The following POM121 variants were observed in gnomAD, a reference collection of about 807,000 sequenced individuals.
The protein encoded by POM121 is POM121 transmembrane nucleoporin.
POM121 carries 32 observed loss-of-function variants against 81.3 expected under a neutral mutation model. The observed-to-expected ratio is 0.39, with a 90% CI of 0.30 to 0.53. The LOEUF (loss-of-function observed/expected upper bound fraction) is 0.53. Ranked by LOEUF, POM121 falls within the 20% of genes least tolerant of loss-of-function variation. The pLI, the probability that POM121 is intolerant of heterozygous loss-of-function variation, is 0.66. For synonymous variants in POM121, 514 were observed against 694.2 expected (o/e 0.74, Z 4.08); for missense variants, 1,138 against 1,614.6 (o/e 0.70, Z 5.06).
At chr7:72,935,761 G>C (rs1347702023) in intron 5 of POM121, among the ~76,000 whole-genome samples, 1 of 151,658 alleles carries the variant, frequency 6.6e-6, no homozygotes, top group Non-Finnish European at 1.5e-5. Context: ...GATTACAGGC[G>C]TGAGCCACGG....
At chr7:72,886,800 CT>C (rs1242511786) in intron 1 of POM121, among the ~76,000 whole-genome samples, 1 of 151,246 alleles carries the variant, frequency 6.6e-6, no homozygotes, top group African/African-American at 2.4e-5. Flanking sequence ...TATAACATGT[CT>C]TTTTTTCTTC....
At chr7:72,880,261 G>T (rs1554489105) in intron 1 of POM121, among the ~76,000 whole-genome samples, 2 of 152,132 alleles carry the variant, frequency 1.3e-5, no homozygotes, top group Non-Finnish European at 2.9e-5. Context: ...TGGGAGAATC[G>T]TAGTAATGCA....
chr7:72,939,520 G>A lies in POM121; in HGVS notation c.1441+111G>A, dbSNP rs557462702. 277 of 1,442,888 alleles carry A rather than the reference G, an allele frequency of 1.9e-4. 2 individuals are homozygous for A. In the African/African-American group the frequency reaches 3.7e-3, roughly 19 times the overall value. 89.4% of individuals were successfully genotyped at this position (1,442,888 alleles called of 1,614,324 possible). A position where few individuals can be genotyped will look rare whatever the true frequency, so the allele number is the denominator to read the frequency against. On this transcript the variant is annotated intron_variant, in intron 7 of 12. Coordinates refer to ENST00000434423, the MANE Select transcript of POM121 (RefSeq NM_001387691.1). ...GGTCTTGAGCATTGCTATGTCTAAG[G>A]CATGTTAGATACAAAGAGAGAGATT...
chr7:72,907,956 T>C (rs1462953997), intron 3 of POM121, among the ~76,000 whole-genome samples: 1 of 152,220 alleles, frequency 6.6e-6, no homozygotes, highest in Non-Finnish European at 1.5e-5. Context: ...GGATTATTTC[T>C]ATGTAATTTT....
downstream of POM121, chr7:72,949,029 C>T (rs1282878419): frequency 1.9e-6 from 3 of 1,613,216 alleles, no homozygotes; most frequent in South Asian, 1.1e-5. Context: ...GCTGCTGGAA[C>T]CCTGCCAGGG....
downstream of POM121, chr7:72,949,375 G>A (rs1268205218): frequency 1.3e-5 from 12 of 896,604 alleles, no homozygotes; most frequent in African/African-American, 6.6e-5. Context: ...CGGATCTAAG[G>A]GGGAGACCGC....
intron 3 of POM121, 141 bp from the exon 4 acceptor site, chr7:72,928,244 G>A (rs1795663225): frequency 8.0e-7 from 1 of 1,250,936 alleles, no homozygotes; most frequent in Non-Finnish European, 1.1e-6. Flanking sequence ...GAAGCTTAGG[G>A]ATTTTAAACA....
intron 3 of POM121, among the ~76,000 whole-genome samples, chr7:72,909,987 G>C (rs1438609984): frequency 6.6e-6 from 1 of 152,172 alleles, no homozygotes; most frequent in Non-Finnish European, 1.5e-5. Context: ...CCACATTGCC[G>C]TTGAGCTCTC....
chr7:72,950,634 C>G, downstream of POM121: 1 of 137,172 alleles, frequency 7.3e-6, no homozygotes, highest in Non-Finnish European at 1.4e-5. Context: ...TCATGTGAGG[C>G]GCTTAGGTTA....
intron 3 of POM121, among the ~76,000 whole-genome samples, chr7:72,899,149 A>AT (rs1267794077): frequency 2.6e-5 from 4 of 151,350 alleles, no homozygotes; most frequent in Non-Finnish European, 4.4e-5. Flanking sequence ...CACCTGGCTA[A>AT]TTTTTTTGTA....
In POM121 at chr7:72,930,131, A is replaced by C. The variant is rs781922274; in HGVS notation, c.1275+20A>C. ...TCACAGGTACAAGTACAGCTCTTTTAATGTGGGGGACATGAATTCCCAGCG... is the reference window on the plus strand; with the variant it reads ...TCACAGGTACAAGTACAGCTCTTTTCATGTGGGGGACATGAATTCCCAGCG... On this transcript the variant is annotated intron_variant, in intron 5 of 12. Transcript: ENST00000434423. 3 of 1,584,196 alleles carry C rather than the reference A, an allele frequency of 1.9e-6. No individual in the cohort carries two copies. The South Asian group carries it at 3.4e-5, about 18-fold the overall frequency.
At chr7:72,949,392 G>A, downstream of POM121, 1 of 1,067,566 alleles carries the variant, frequency 9.4e-7, no homozygotes, top group Non-Finnish European at 1.5e-6. Context: ...CCGCCAGGAA[G>A]TCCTCCTCAG....
At chr7:72,926,996 C>G in intron 3 of POM121, 33 bp downstream of exon 3, 2 of 1,613,896 alleles carry the variant, frequency 1.2e-6, no homozygotes, top group South Asian at 1.1e-5. Flanking sequence ...AAGCCGGTTT[C>G]GCGCTTGGAC....
At chr7:72,926,640 T>C (rs1157440836) in intron 2 of POM121, among the ~76,000 whole-genome samples, 162 bp from the exon 3 acceptor site, 1 of 152,236 alleles carries the variant, frequency 6.6e-6, no homozygotes, top group Non-Finnish European at 1.5e-5. Flanking sequence ...CACTTTTTGC[T>C]CTTAACGAAA....
Position 72,897,215 on chromosome 7 carries a change from G to A in POM121, c.-216+6105G>A, listed in dbSNP as rs573532792. Among the ~76,000 whole-genome samples, 3 of 152,230 alleles carry A rather than the reference G, an allele frequency of 2.0e-5. No homozygotes were observed. In the East Asian group the frequency reaches 5.8e-4, roughly 29 times the overall value. ...CAAATGGTGACAATTACTGTGACGGGAAAAAAGTTCCTTGGGAGTGAGAAG... is the reference window on the plus strand; with the variant it reads ...CAAATGGTGACAATTACTGTGACGGAAAAAAAGTTCCTTGGGAGTGAGAAG... On this transcript the variant is annotated intron_variant, in intron 3 of 15. Transcript: ENST00000395270.
At chr7:72,911,771 C>T (rs1472027383) in intron 3 of POM121, among the ~76,000 whole-genome samples, 8 of 152,196 alleles carry the variant, frequency 5.3e-5, no homozygotes, top group Non-Finnish European at 8.8e-5. Context: ...AAGCAGCACT[C>T]GGTACATGGT....
intron 1 of POM121, chr7:72,879,974 C>G (rs559818939): frequency 8.7e-5 from 35 of 402,230 alleles, no homozygotes; most frequent in Non-Finnish European, 1.5e-4. Flanking sequence ...GCAGAGGGAG[C>G]GTCCCGATTG....
intron 5 of POM121, among the ~76,000 whole-genome samples, chr7:72,931,099 T>C (rs1358177275): frequency 7.2e-5 from 11 of 152,158 alleles, no homozygotes; most frequent in Non-Finnish European, 1.3e-4. Flanking sequence ...CTGACAGTCA[T>C]ATAAATGAAC....
intron 1 of POM121, among the ~76,000 whole-genome samples, chr7:72,886,920 G>A (rs535295986): frequency 6.6e-6 from 1 of 150,882 alleles, no homozygotes; most frequent in East Asian, 1.9e-4. Context: ...TGAACTTCTT[G>A]GATCTTGGGT....
Sources: gnomAD v4.1 joint callset for allele counts (sites outside exome capture counted in the v4.1 genomes callset) on GRCh38, gnomAD v4.1.1 for gene constraint, MANE v1.5 for transcripts, NCBI Gene and HGNC (gene_info 2026-07-23, HGNC 2026-07-21) for gene names.